KIF26A: variants seen among roughly 807,000 people sequenced by gnomAD.
The protein encoded by KIF26A is kinesin-like protein KIF26A.
KIF26A carries 74 observed loss-of-function variants against 126.0 expected under a neutral mutation model. The ratio of observed to expected loss-of-function variants is 0.59; its 90% CI spans 0.49 to 0.71. The LOEUF is 0.71. KIF26A is among the 30% of genes least tolerant of loss of function. The pLI, the probability that KIF26A is intolerant of heterozygous loss-of-function variation, is 0.00. For synonymous variants in KIF26A, 1,445 were observed against 1,232.7 expected (o/e 1.17, Z -3.61); for missense variants, 2,984 against 2,763.3 (o/e 1.08, Z -1.79).
In KIF26A at chr14:104,156,585, G is replaced by T. The variant is rs564890257; in HGVS notation, c.736-1170G>T. Among the ~76,000 whole-genome samples, 4 of 152,234 alleles carry T rather than the reference G, an allele frequency of 2.6e-5. No individual in the cohort carries two copies. The East Asian group carries it at 5.8e-4, about 22-fold the overall frequency. On this transcript the variant is annotated intron_variant, in intron 3 of 14. Coordinates refer to ENST00000423312, the MANE Select transcript of KIF26A (RefSeq NM_015656.2). ...TCCAGGTCCCGGGAGGGGCCTGGAA[G>T]CTGGTACCGGCCATGGGTTGGGCAG...
Position 104,176,750 on chromosome 14 carries a change from C to G in KIF26A, c.3962C>G (p.Ser1321Cys). 3.1e-6 allele frequency: 5 copies of G among 1,587,612 alleles called. No homozygotes were observed. The highest frequency in any genetic ancestry group is 3.4e-6 in the Non-Finnish European group (4 of 1,168,454). ...TTLGVTTPAV[S>C]WGDAPTEVVA... ...CTGGGTGTGACAACGCCAGCTGTGT[C>G]CTGGGGAGATGCTCCCACGGAGGTG... Residue 1321 changes from serine to cysteine, a missense_variant, in exon 12 of 15, where the codon TCC (serine) becomes TGC (cysteine). Physicochemically the swap from Ser to Cys is moderately radical, Grantham distance 112 (BLOSUM62 -1). Transcript: ENST00000423312.
rs539720540 is a variant in KIF26A at position 104,180,154 on chromosome 14, T to C, written c.*364T>C. On this transcript the variant is annotated 3_prime_UTR_variant, in exon 15 of 15. Coordinates refer to ENST00000423312, the MANE Select transcript of KIF26A (RefSeq NM_015656.2). ...GGGGCTGGCGCCGGTTGTGTTTGTG[T>C]CCACCTTGCCTTCTTTGCAGCCAAG... 1 of 204,840 alleles carries C rather than the reference T, an allele frequency of 4.9e-6. No homozygotes were observed. The highest frequency in any genetic ancestry group is 2.4e-5 in the African/African-American group (1 of 42,406). The allele number at this position is 204,840 out of a possible 1,614,324, so 12.7% of individuals were successfully genotyped here. A position where few individuals can be genotyped will look rare whatever the true frequency, so the allele number is the denominator to read the frequency against.
At chr14:104,165,850 T>C (rs76823972) in intron 4 of KIF26A, among the ~76,000 whole-genome samples, 5,448 of 152,068 alleles carry the variant, frequency 0.036, 149 homozygotes, top group Admixed American at 0.11. Context: ...TGTGTGTGTC[T>C]GTGTGTGTCT....
intron 3 of KIF26A, 62 bp from the exon 4 acceptor site, chr14:104,157,693 G>A: frequency 6.5e-7 from 1 of 1,528,424 alleles, no homozygotes; most frequent in East Asian, 2.4e-5. Context: ...CACTCCGGGT[G>A]CCAGGGGGCA....
At position 104,176,053 on chromosome 14, in the gene KIF26A, C is replaced by A; in HGVS notation, c.3265C>A (p.Gln1089Lys). 6.3e-7 allele frequency: 1 copy of A among 1,596,280 alleles called. No homozygotes were observed. Among genetic ancestry groups the A allele is most frequent in the Non-Finnish European group, 8.5e-7 (1 of 1,175,016 alleles). Residue 1089 changes from glutamine to lysine, a missense_variant, in exon 12 of 15, where the codon CAG becomes AAG. Transcript: ENST00000423312. ...INDEFDAYTSQAPEGGPLEGA... is the reference protein window; with the variant it reads ...INDEFDAYTSKAPEGGPLEGA... Reference sequence around the variant, plus strand: ...TGATGAGTTTGACGCCTACACCTCTCAGGCCCCTGAGGGGGGGCCCCTGGA... The same window carrying A: ...TGATGAGTTTGACGCCTACACCTCTAAGGCCCCTGAGGGGGGGCCCCTGGA...
chr14:104,171,674 G>A (rs1195151245), intron 5 of KIF26A, 49 bp from the exon 6 acceptor site: 1 of 1,486,814 alleles, frequency 6.7e-7, no homozygotes, highest in South Asian at 1.2e-5. Flanking sequence ...GTAATTAGTG[G>A]CCGGCTGGGC....
chr14:104,175,861 G>A lies in KIF26A; in HGVS notation c.3073G>A (p.Glu1025Lys). 5.8e-6 allele frequency: 9 copies of A among 1,539,602 alleles called. No homozygotes were observed. Among genetic ancestry groups the A allele is most frequent in the Non-Finnish European group, 6.1e-6 (7 of 1,147,636 alleles). Residue 1025 changes from glutamate to lysine, a missense_variant, in exon 12 of 15, where the codon GAG (glutamate) becomes AAG (lysine). Physicochemically the swap from Glu to Lys is moderately conservative, Grantham distance 56. Coordinates refer to ENST00000423312, the MANE Select transcript of KIF26A (RefSeq NM_015656.2). ...TTTVTLQRPV[E>K]LNGEDELVFT... ...CACAGTGACCCTGCAGCGGCCAGTG[G>A]AGCTCAACGGCGAGGACGAGCTGGT...
At chr14:104,142,584 AG>A (rs1483930115) in intron 2 of KIF26A, among the ~76,000 whole-genome samples, 1 of 152,100 alleles carries the variant, frequency 6.6e-6, no homozygotes, top group Admixed American at 6.5e-5. Context: ...GCCCCTTCTC[AG>A]GTGCCCCCAA....
chr14:104,168,188 G>A (rs1475298077), intron 5 of KIF26A, among the ~76,000 whole-genome samples: 1 of 152,206 alleles, frequency 6.6e-6, no homozygotes, highest in African/African-American at 2.4e-5. Context: ...AGCTCGGGAG[G>A]TGCCAGGCTC....
rs773312342 is a variant in KIF26A at position 104,178,623 on chromosome 14, C to G, written c.5184C>G (p.Pro1728=). 3.9e-6 allele frequency: 6 copies of G among 1,548,686 alleles called. No individual in the cohort carries two copies. Among genetic ancestry groups the G allele is most frequent in the Admixed American group, 3.9e-5 (2 of 51,284 alleles). ...CCCTGGGCCGTAAGCCCAGCCTCCC[C>G]GGGCAGTGGGTGGACCTGCCCCCGC... ...TTALGRKPSL[P]GQWVDLPPPL... is the part of the protein sequence containing the mutation. Residue 1728 remains proline, a synonymous_variant, in exon 13 of 15, where the codon CCC becomes CCG. Transcript: ENST00000423312.
chr14:104,160,487 C>T (rs2037823374), intron 4 of KIF26A, among the ~76,000 whole-genome samples: 2 of 152,114 alleles, frequency 1.3e-5, no homozygotes, highest in Admixed American at 1.3e-4. Flanking sequence ...AGAGCAGGGG[C>T]TGAGCCCCAT....
rs185165329 is a variant in KIF26A at position 104,158,864 on chromosome 14, G to T, written c.923+922G>T. Among the ~76,000 whole-genome samples the T allele has an allele frequency of 3.9e-5, 6 of 152,332 alleles. 1 individual carries two copies. In the East Asian group the frequency reaches 1.2e-3, roughly 29 times the overall value. On this transcript the variant is annotated intron_variant, in intron 4 of 14. Transcript: ENST00000423312. ...TCTCATCCTGATGGTGTAAGGATGC[G>T]GATTACAGGATGTAATTGCCATAAT...
At position 104,176,902 on chromosome 14, in the gene KIF26A, G is replaced by A. The variant is rs1014079769; in HGVS notation, c.4114G>A (p.Glu1372Lys). The change falls in exon 12 of 15, where the codon GAG becomes AAG. Residue 1372 changes from glutamate to lysine, a missense_variant. Coordinates refer to ENST00000423312, the MANE Select transcript of KIF26A (RefSeq NM_015656.2). Reference sequence around the variant, plus strand: ...CCCACCCACGCGGAAGTCCAGCCTGGAGCAGAGGAGCAGCCCGGCCTCGGC... The same window carrying A: ...CCCACCCACGCGGAAGTCCAGCCTGAAGCAGAGGAGCAGCCCGGCCTCGGC... ...PAPPTRKSSL[E>K]QRSSPASAPP... 1.8e-5 allele frequency: 28 copies of A among 1,539,492 alleles called. No individual in the cohort carries two copies. Among genetic ancestry groups the A allele is most frequent in the Non-Finnish European group, 2.4e-5 (27 of 1,146,042 alleles).
At position 104,179,659 on chromosome 14, in the gene KIF26A, C is replaced by G. The variant is rs1046452470; in HGVS notation, c.5518C>G (p.Leu1840Val). ...EPESAEYLAA[L>V]ERATAALEQC... ...CGAGTCGGCCGAGTACCTGGCGGCC[C>G]TGGAGCGAGCCACGGCGGCCCTGGA... is the stretch of plus-strand genomic sequence containing the variant. The change falls in exon 15 of 15, where the codon CTG (leucine) becomes GTG (valine). Residue 1840 changes from leucine to valine, a missense_variant. By Grantham distance (32) the Leu-to-Val change is conservative. Transcript: ENST00000423312. 1 of 1,547,610 alleles carries G rather than the reference C, an allele frequency of 6.5e-7. No homozygotes were observed. Among genetic ancestry groups the G allele is most frequent in the African/African-American group, 1.4e-5 (1 of 72,898 alleles).
Position 104,175,221 on chromosome 14 carries a change from G to A in KIF26A, c.2433G>A (p.Pro811=), listed in dbSNP as rs573591662. Residue 811 remains proline (P), a synonymous_variant, in exon 12 of 15, where the codon CCG becomes CCA. Coordinates refer to ENST00000423312, the MANE Select transcript of KIF26A (RefSeq NM_015656.2). ...GGGAGCTCACCGACAACGAAGGTCCGCCTGACTTCGTGCCCATCATCCCTG... is the reference window on the plus strand; with the variant it reads ...GGGAGCTCACCGACAACGAAGGTCCACCTGACTTCGTGCCCATCATCCCTG... ...SDRELTDNEG[P]PDFVPIIPAL... The A allele has an allele frequency of 7.3e-5, 118 of 1,609,516 alleles. 1 individual carries two copies. In the East Asian group the frequency reaches 2.5e-3, roughly 33 times the overall value.
At position 104,179,302 on chromosome 14, in the gene KIF26A, C is replaced by T; in HGVS notation, c.5383C>T (p.Gln1795Ter). Residue 1795 changes from glutamine to a stop codon, truncating the protein, a stop_gained, in exon 14 of 15, where the codon CAG becomes TAG. Transcript: ENST00000423312. LOFTEE classifies it high-confidence loss of function. ...CAGGCAGCAGCGGCTGCGGGAGGTGCAGGCCAAGCACAAGCACCTGTGTGA... is the reference window on the plus strand; with the variant it reads ...CAGGCAGCAGCGGCTGCGGGAGGTGTAGGCCAAGCACAAGCACCTGTGTGA... ...ERRQQRLREV[Q>*]AKHKHLCEEL... The T allele has an allele frequency of 6.5e-7, 1 of 1,537,432 alleles. No individual in the cohort carries two copies.
At chr14:104,157,672 C>A in intron 3 of KIF26A, 83 bp from the exon 4 acceptor site, 1 of 1,441,962 alleles carries the variant, frequency 6.9e-7, no homozygotes, top group Non-Finnish European at 9.3e-7. Flanking sequence ...GGTGCCCAGG[C>A]CTGTCTCTCC....
At chr14:104,169,195 G>A (rs922048499) in intron 5 of KIF26A, among the ~76,000 whole-genome samples, 7 of 152,190 alleles carry the variant, frequency 4.6e-5, no homozygotes, top group African/African-American at 1.7e-4. Context: ...TCAGGAGGAC[G>A]CCGAGGTCAG....
intron 2 of KIF26A, among the ~76,000 whole-genome samples, chr14:104,147,399 G>A (rs960345948): frequency 6.6e-6 from 1 of 152,192 alleles, no homozygotes. Flanking sequence ...ACTGGGTTGT[G>A]TCCCCGCTCC....
Sources: gnomAD v4.1 joint callset for allele counts (sites outside exome capture counted in the v4.1 genomes callset) on GRCh38, gnomAD v4.1.1 for gene constraint, MANE v1.5 for transcripts, NCBI Gene and HGNC (gene_info 2026-07-23, HGNC 2026-07-21) for gene names.